The following CDH12 variants were observed in gnomAD, a reference collection of about 807,000 sequenced individuals.
CDH12 encodes the protein cadherin-12.
CDH12 carries 41 observed loss-of-function variants against 74.1 expected under a neutral mutation model. The observed-to-expected ratio is 0.55, with a 90% CI of 0.43 to 0.72. The LOEUF (loss-of-function observed/expected upper bound fraction) is 0.72. CDH12 is among the 30% of genes least tolerant of loss of function. The probability of loss-of-function intolerance (pLI) is 0.00; values close to 1 mark genes in which losing one functional copy is unlikely to be tolerated. For missense variants in CDH12, 945 were observed against 977.2 expected, an observed-to-expected ratio of 0.97 and a Z score of 0.44; for synonymous variants, 399 against 355.0, an observed-to-expected ratio of 1.12 and a Z score of -1.39.
At chr5:22,758,462 A>C (rs1350430104) in intron 1 of CDH12, among the ~76,000 whole-genome samples, 1 of 152,100 alleles carries the variant, frequency 6.6e-6, no homozygotes, top group African/African-American at 2.4e-5. Context: ...CCAGATGAAA[A>C]CTACGAAGTT....
chr5:22,808,840 C>T (rs1390494537), intron 1 of CDH12, among the ~76,000 whole-genome samples: 3 of 136,316 alleles, frequency 2.2e-5, no homozygotes, highest in East Asian at 2.2e-4. Flanking sequence ...ATCTCTTGAC[C>T]TTGTGATCTG....
intron 2 of CDH12, among the ~76,000 whole-genome samples, chr5:22,474,391 T>G (rs191504793): frequency 6.6e-6 from 1 of 152,160 alleles, no homozygotes; most frequent in African/African-American, 2.4e-5. Flanking sequence ...CCACAGTGAA[T>G]GATTCTCATC....
chr5:21,813,897 G>A (rs1747892506), intron 9 of CDH12, among the ~76,000 whole-genome samples: 1 of 152,056 alleles, frequency 6.6e-6, no homozygotes, highest in African/African-American at 2.4e-5. Flanking sequence ...ACTGCTGAAA[G>A]TGATTTCTAA....
intron 4 of CDH12, among the ~76,000 whole-genome samples, chr5:22,136,109 A>G (rs1378495095): frequency 6.6e-6 from 1 of 152,052 alleles, no homozygotes; most frequent in African/African-American, 2.4e-5. Flanking sequence ...GGTAAGTTAT[A>G]TTGCAGATTT....
intron 2 of CDH12, among the ~76,000 whole-genome samples, chr5:22,487,632 T>C (rs368647194): frequency 6.6e-6 from 1 of 152,194 alleles, no homozygotes; most frequent in Admixed American, 6.5e-5. Context: ...TAAAAATGTA[T>C]GTCAATATAT....
chr5:22,445,017 G>C (rs1412825290), intron 2 of CDH12, among the ~76,000 whole-genome samples: 1 of 151,890 alleles, frequency 6.6e-6, no homozygotes, highest in African/African-American at 2.4e-5. Context: ...ATTTCAATTA[G>C]AGAACTTACA....
At chr5:22,701,502 G>C (rs1742713027) in intron 1 of CDH12, among the ~76,000 whole-genome samples, 1 of 151,930 alleles carries the variant, frequency 6.6e-6, no homozygotes, top group Non-Finnish European at 1.5e-5. Flanking sequence ...TAATATCAAG[G>C]AAAATCCTTC....
At chr5:21,827,601 T>G (rs566563727) in intron 8 of CDH12, among the ~76,000 whole-genome samples, 1 of 152,296 alleles carries the variant, frequency 6.6e-6, no homozygotes, top group Non-Finnish European at 1.5e-5. Context: ...TTATTATGTT[T>G]AATAAATGCC....
chr5:22,079,939 C>T (rs539113340), intron 4 of CDH12, among the ~76,000 whole-genome samples: 3 of 150,952 alleles, frequency 2.0e-5, no homozygotes, highest in African/African-American at 7.3e-5. Context: ...AGGGTAAAAC[C>T]TACGTTAGCA....
chr5:22,429,522 G>A (rs531194461), intron 2 of CDH12, among the ~76,000 whole-genome samples: 1 of 152,160 alleles, frequency 6.6e-6, no homozygotes, highest in African/African-American at 2.4e-5. Flanking sequence ...GCTATTACTA[G>A]TTATGCACAT....
chr5:22,296,295 T>C (rs1297926492), intron 3 of CDH12, among the ~76,000 whole-genome samples: 1 of 152,048 alleles, frequency 6.6e-6, no homozygotes, highest in Middle Eastern at 3.2e-3. Context: ...TTAGAGAACC[T>C]ATGTTAGAGG....
chr5:21,835,729 A>G (rs1052003401), intron 8 of CDH12, among the ~76,000 whole-genome samples: 3 of 151,788 alleles, frequency 2.0e-5, no homozygotes, highest in African/African-American at 7.3e-5. Flanking sequence ...TTTAAAAAAC[A>G]TTTCTTTAAA....
intron 4 of CDH12, among the ~76,000 whole-genome samples, chr5:22,093,298 T>C (rs998004536): frequency 6.6e-5 from 10 of 152,164 alleles, no homozygotes; most frequent in Admixed American, 5.2e-4. Context: ...ATTGAATGTA[T>C]GAAAATTTGA....
intron 3 of CDH12, among the ~76,000 whole-genome samples, chr5:22,232,987 G>T (rs1752437826): frequency 6.6e-6 from 1 of 150,656 alleles, no homozygotes; most frequent in Non-Finnish European, 1.5e-5. Context: ...TCTGGGCTTG[G>T]TGTGCTAGTC....
intron 9 of CDH12, among the ~76,000 whole-genome samples, chr5:21,809,363 G>A (rs536158041): frequency 2.0e-5 from 3 of 152,082 alleles, no homozygotes; most frequent in African/African-American, 7.2e-5. Context: ...AATTACAGAG[G>A]GTTTCGTCAC....
At chr5:22,726,023 G>A (rs775832795) in intron 1 of CDH12, among the ~76,000 whole-genome samples, 55 of 151,738 alleles carry the variant, frequency 3.6e-4, no homozygotes, top group Admixed American at 5.9e-4. Context: ...TGGCACATAC[G>A]TTGCAACTGA....
At chr5:21,754,585 G>C (rs2149861736) in intron 14 of CDH12, among the ~76,000 whole-genome samples, 1 of 152,280 alleles carries the variant, frequency 6.6e-6, no homozygotes, top group South Asian at 2.1e-4. Context: ...TTCTACGTCA[G>C]CATGAACTTC....
intron 4 of CDH12, among the ~76,000 whole-genome samples, chr5:22,122,400 C>T (rs1482592174): frequency 6.6e-6 from 1 of 152,156 alleles, no homozygotes; most frequent in Non-Finnish European, 1.5e-5. Context: ...GAGACTCCAT[C>T]TCACAAAAAC....
chr5:21,837,176 G>C (rs1749581632), intron 8 of CDH12, among the ~76,000 whole-genome samples: 1 of 151,978 alleles, frequency 6.6e-6, no homozygotes, highest in African/African-American at 2.4e-5. Context: ...ACTTTCTGTA[G>C]TGCATGACAC....
Sources: gnomAD v4.1 joint callset for allele counts (sites outside exome capture counted in the v4.1 genomes callset) on GRCh38, gnomAD v4.1.1 for gene constraint, MANE v1.5 for transcripts, NCBI Gene and HGNC (gene_info 2026-07-23, HGNC 2026-07-21) for gene names.